The following GPNMB variants were observed in gnomAD, a reference collection of about 807,000 sequenced individuals.
GPNMB encodes the protein transmembrane glycoprotein NMB.
A neutral mutation model predicts 57.3 loss-of-function variants in GPNMB; 71 were observed. The ratio of observed to expected loss-of-function variants is 1.24; its 90% CI spans 1.02 to 1.51. The LOEUF is 1.51. Ranked by LOEUF, GPNMB falls within the 40% of genes most tolerant of loss-of-function variation. The pLI, the probability that GPNMB is intolerant of heterozygous loss-of-function variation, is 0.00. For missense variants in GPNMB, 677 were observed against 691.9 expected (o/e 0.98, Z 0.24); for synonymous variants, 253 against 263.2 (o/e 0.96, Z 0.38).
chr7:23,260,639 C>T lies in GPNMB; in HGVS notation c.884C>T (p.Thr295Ile), dbSNP rs758709123. The change falls in exon 6 of 11, where the codon ACC (threonine) becomes ATC (isoleucine). Residue 295 changes from threonine to isoleucine, a missense_variant. Thr to Ile is a moderately conservative substitution (Grantham distance 89). Transcript: ENST00000258733. ...GATAATACTGGCCTGTTTGTTTCCACCAATCATACTGTGAATCACACGTAT... is the reference window on the plus strand; with the variant it reads ...GATAATACTGGCCTGTTTGTTTCCATCAATCATACTGTGAATCACACGTAT... ...FGDNTGLFVS[T>I]NHTVNHTYVL... is the part of the protein sequence containing the mutation. The T allele has an allele frequency of 5.0e-6, 8 of 1,613,846 alleles. No homozygotes were observed. The East Asian group carries it at 1.1e-4, about 22-fold the overall frequency.
At chr7:23,251,201 G>A (rs1782652583) in intron 1 of GPNMB, among the ~76,000 whole-genome samples, 1 of 152,192 alleles carries the variant, frequency 6.6e-6, no homozygotes, top group Non-Finnish European at 1.5e-5. Flanking sequence ...TCCTGGAGAA[G>A]AAGGGAACGT....
Position 23,260,577 on chromosome 7 carries a change from C to G in GPNMB, c.822C>G (p.Leu274=). The change falls in exon 6 of 11, where the codon CTC becomes CTG. Residue 274 remains leucine (L), a synonymous_variant. Transcript: ENST00000258733. ...TGATTCATGATCCTAGCCACTTCCTCAATTATTCTACCATTAACTACAAGT... is the reference window on the plus strand; with the variant it reads ...TGATTCATGATCCTAGCCACTTCCTGAATTATTCTACCATTAACTACAAGT... ...DVLIHDPSHF[L]NYSTINYKWS... 6.2e-7 allele frequency: 1 copy of G among 1,613,870 alleles called. No individual in the cohort carries two copies. The highest frequency in any genetic ancestry group is 8.5e-7 in the Non-Finnish European group (1 of 1,179,740).
chr7:23,262,506 A>G (rs896500211), intron 6 of GPNMB, among the ~76,000 whole-genome samples: 13 of 151,860 alleles, frequency 8.6e-5, no homozygotes, highest in Non-Finnish European at 1.9e-4. Context: ...CAAACATTAT[A>G]GACATCTTTC....
chr7:23,260,180 C>A, intron 5 of GPNMB, 42 bp downstream of exon 5: 1 of 1,598,490 alleles, frequency 6.3e-7, no homozygotes, highest in Non-Finnish European at 8.6e-7. Context: ...GCACTTCATT[C>A]TGTTGACGTC....
intron 3 of GPNMB, among the ~76,000 whole-genome samples, chr7:23,256,164 C>G (rs901082895): frequency 6.6e-6 from 1 of 152,166 alleles, no homozygotes; most frequent in Non-Finnish European, 1.5e-5. Flanking sequence ...TCTCGGCCTC[C>G]CAAAGTGCTG....
intron 4 of GPNMB, 45 bp from the exon 5 acceptor site, chr7:23,259,935 A>T (rs1562637102): frequency 1.3e-6 from 2 of 1,580,946 alleles, no homozygotes; most frequent in Non-Finnish European, 1.7e-6. Context: ...TCCTATAATG[A>T]TGATATAATG....
At chr7:23,269,895 TA>T in intron 8 of GPNMB, 71 bp from the exon 9 acceptor site, 1 of 963,666 alleles carries the variant, frequency 1.0e-6, no homozygotes, top group Non-Finnish European at 1.6e-6. Flanking sequence ...TTTCCCTTTG[TA>T]AAATGGATCT....
At chr7:23,255,798 T>C (rs1782762737) in intron 3 of GPNMB, among the ~76,000 whole-genome samples, 1 of 152,250 alleles carries the variant, frequency 6.6e-6, no homozygotes, top group African/African-American at 2.4e-5. Flanking sequence ...ATGCGTGTTA[T>C]TTTGATACAT....
Position 23,246,877 on chromosome 7 carries a change from TC to T in GPNMB, c.22del (p.Leu8TrpfsTer31). The T allele has an allele frequency of 1.2e-6, 2 of 1,613,882 alleles. No homozygotes were observed. Among genetic ancestry groups the T allele is most frequent in the Non-Finnish European group, 1.7e-6 (2 of 1,179,810 alleles). Reference protein sequence around the residue: MECLYYFLGFLLLAARL... With the variant: MECLYYXLGFLLLAARL... Reference sequence around the variant, plus strand: ...TTCAGCATGGAATGTCTCTACTATTTCCTGGGATTTCTGCTCCTGGCTGCAA... The same window carrying T: ...TTCAGCATGGAATGTCTCTACTATTTCTGGGATTTCTGCTCCTGGCTGCAA... On this transcript the variant is annotated frameshift_variant, in exon 1 of 11. Transcript: ENST00000258733. LOFTEE classifies it high-confidence loss of function.
chr7:23,255,558 A>G (rs1031783418), intron 3 of GPNMB, among the ~76,000 whole-genome samples: 5 of 152,176 alleles, frequency 3.3e-5, no homozygotes, highest in African/African-American at 1.2e-4. Context: ...TTTCTTTTGT[A>G]TATATTCCCA....
chr7:23,253,519 T>C, intron 2 of GPNMB, 60 bp downstream of exon 2: 1 of 1,424,946 alleles, frequency 7.0e-7, no homozygotes, highest in Admixed American at 1.8e-5. Context: ...GTCTTGTAGA[T>C]GGTAAAGCCT....
Position 23,256,910 on chromosome 7 carries a change from ATCCGTATGTTT to A in GPNMB, c.387_397del (p.Asp129GlufsTer11), listed in dbSNP as rs753964158. 2 of 1,614,104 alleles carry A rather than the reference ATCCGTATGTTT, an allele frequency of 1.2e-6. No individual in the cohort carries two copies. The highest frequency in any genetic ancestry group is 2.2e-5 in the South Asian group (2 of 91,078). On this transcript the variant is annotated frameshift_variant, in exon 4 of 11. Coordinates refer to ENST00000258733, the MANE Select transcript of GPNMB (RefSeq NM_002510.3). LOFTEE classifies it high-confidence loss of function. Reference sequence around the variant, plus strand: ...TGTTTAGAGGCTGGTTTATCTGCTGATCCGTATGTTTACAACTGGACAGCATGGTCAGAGGA... The same window carrying A: ...TGTTTAGAGGCTGGTTTATCTGCTGAACAACTGGACAGCATGGTCAGAGGA...
At position 23,260,543 on chromosome 7, in the gene GPNMB, T is replaced by C. The variant is rs150676949; in HGVS notation, c.788T>C (p.Phe263Ser). The change falls in exon 6 of 11, where the codon TTT becomes TCT. Residue 263 changes from phenylalanine to serine, a missense_variant. Phe to Ser is a radical substitution (Grantham distance 155). Coordinates refer to ENST00000258733, the MANE Select transcript of GPNMB (RefSeq NM_002510.3). ...ETFLKDLPIMFDVLIHDPSHF... is the reference protein window; with the variant it reads ...ETFLKDLPIMSDVLIHDPSHF... ...TTCCTCAAAGATCTCCCCATTATGT[T>C]TGATGTCCTGATTCATGATCCTAGC... is the stretch of plus-strand genomic sequence containing the variant. 81 of 1,613,710 alleles carry C rather than the reference T, an allele frequency of 5.0e-5. 1 individual carries two copies. Among genetic ancestry groups the C allele is most frequent in the South Asian group, 1.3e-4 (12 of 91,068 alleles).
chr7:23,248,563 C>T (rs1468665775), intron 1 of GPNMB, among the ~76,000 whole-genome samples: 2 of 152,066 alleles, frequency 1.3e-5, no homozygotes, highest in African/African-American at 4.8e-5. Flanking sequence ...ATTTTCCATT[C>T]GTAGCCCTGA....
chr7:23,249,182 A>G (rs908145619), intron 1 of GPNMB, among the ~76,000 whole-genome samples: 6 of 152,224 alleles, frequency 3.9e-5, no homozygotes, highest in Admixed American at 3.9e-4. Context: ...TCAGCCTTCC[A>G]AAGTGTTGGG....
At chr7:23,254,867 A>G (rs544830442) in intron 3 of GPNMB, among the ~76,000 whole-genome samples, 2 of 152,300 alleles carry the variant, frequency 1.3e-5, no homozygotes, top group South Asian at 4.1e-4. Flanking sequence ...AGAATGGTAC[A>G]TGCTCAAAAA....
rs779235718 is a variant in GPNMB at position 23,254,178 on chromosome 7, T to C, written c.233T>C (p.Val78Ala). Residue 78 changes from valine (V) to alanine (A), a missense_variant, in exon 3 of 11, where the codon GTG becomes GCG. Transcript: ENST00000258733. ...RWKNSWKGGR[V>A]QAVLTSDSPA... Reference sequence around the variant, plus strand: ...CTTTTTTATACCCTAGGAGGCCGTGTGCAGGCGGTCCTGACCAGTGACTCA... The same window carrying C: ...CTTTTTTATACCCTAGGAGGCCGTGCGCAGGCGGTCCTGACCAGTGACTCA... 7 of 1,612,952 alleles carry C rather than the reference T, an allele frequency of 4.3e-6. No individual in the cohort carries two copies. Among genetic ancestry groups the C allele is most frequent in the Non-Finnish European group, 5.9e-6 (7 of 1,179,552 alleles).
rs1326169277 is a variant in GPNMB, at chr7:23,266,452, TATATC to T, written c.1019-63_1019-59del. 4 of 1,535,988 alleles carry T rather than the reference TATATC, an allele frequency of 2.6e-6. No individual in the cohort carries two copies. The African/African-American group carries it at 5.5e-5, about 21-fold the overall frequency. ...AATGGCAAATGTTTAGATTTTTTAT[TATATC>T]ACATGTATCTTTTATGTTCGTAGCA... On this transcript the variant is annotated intron_variant, in intron 6 of 10. Transcript: ENST00000258733.
At chr7:23,271,481 CAA>C (rs1783203362) in intron 9 of GPNMB, among the ~76,000 whole-genome samples, 1 of 152,064 alleles carries the variant, frequency 6.6e-6, no homozygotes, top group African/African-American at 2.4e-5. Flanking sequence ...GCTACAAAAA[CAA>C]ACAAACAAAC....
Sources: gnomAD v4.1 joint callset for allele counts (sites outside exome capture counted in the v4.1 genomes callset) on GRCh38, gnomAD v4.1.1 for gene constraint, MANE v1.5 for transcripts, NCBI Gene and HGNC (gene_info 2026-07-23, HGNC 2026-07-21) for gene names.